LYST: variants seen among roughly 807,000 people sequenced by gnomAD.
LYST encodes lysosomal trafficking regulator.
In LYST, 192 loss-of-function variants were observed where a neutral mutation model predicts 413.6. The ratio of observed to expected loss-of-function variants is 0.46; its 90% CI spans 0.41 to 0.52. The LOEUF (loss-of-function observed/expected upper bound fraction) is 0.52, where lower values mean the gene tolerates loss of function less well. Ranked by LOEUF, LYST falls within the 20% of genes least tolerant of loss-of-function variation. The pLI is 0.00. For missense variants in LYST, 3,815 were observed against 4,499.9 expected (o/e 0.85, Z 4.35); for synonymous variants, 1,525 against 1,567.3 (o/e 0.97, Z 0.64).
intron 1 of LYST, among the ~76,000 whole-genome samples, chr1:235,851,604 T>G (rs1678552863): frequency 1.3e-5 from 2 of 151,920 alleles, no homozygotes; most frequent in African/African-American, 4.8e-5. Context: ...AAAGAATGAT[T>G]CCTAACTAAA....
chr1:235,764,000 T>C (rs1333044829), intron 21 of LYST, among the ~76,000 whole-genome samples: 1 of 152,206 alleles, frequency 6.6e-6, no homozygotes, highest in Non-Finnish European at 1.5e-5. Flanking sequence ...CCAAGCTTCT[T>C]GTCCACAAGA....
chr1:235,699,692 C>T (rs1558129389), intron 45 of LYST, among the ~76,000 whole-genome samples: 1 of 152,218 alleles, frequency 6.6e-6, no homozygotes, highest in African/African-American at 2.4e-5. Context: ...TACATTCCCA[C>T]TAACGGTGTA....
At chr1:235,815,201 C>A (rs1212526230) in intron 3 of LYST, among the ~76,000 whole-genome samples, 3 of 152,180 alleles carry the variant, frequency 2.0e-5, no homozygotes, top group African/African-American at 7.2e-5. Context: ...TTCTTGATCC[C>A]CCTACTAAAC....
intron 31 of LYST, chr1:235,737,990 A>C: frequency 6.9e-7 from 1 of 1,441,506 alleles, no homozygotes; most frequent in Non-Finnish European, 9.2e-7. Context: ...TCCAAGTCCA[A>C]TATACTCTCA....
chr1:235,868,430 T>C (rs976163834), upstream of LYST, among the ~76,000 whole-genome samples: 1 of 152,204 alleles, frequency 6.6e-6, no homozygotes, highest in Non-Finnish European at 1.5e-5. Context: ...TCTACTCTTA[T>C]TTATACATCA....
At chr1:235,767,369 T>C (rs1247205980) in intron 20 of LYST, among the ~76,000 whole-genome samples, 1 of 152,154 alleles carries the variant, frequency 6.6e-6, no homozygotes, top group African/African-American at 2.4e-5. Context: ...AAGGGAACAC[T>C]GAGTCTACAG....
At position 235,662,496 on chromosome 1, in the gene LYST, G is replaced by C. The variant is rs1489335648; in HGVS notation, c.*444C>G. On this transcript the variant is annotated 3_prime_UTR_variant, in exon 53 of 53. Transcript: ENST00000389793. Reference sequence around the variant, plus strand: ...TTTTTTCTTTCCTCTTTTGGAGCATGTGTGTGTGGTGGGAGGAGTATTTCA... The same window carrying C: ...TTTTTTCTTTCCTCTTTTGGAGCATCTGTGTGTGGTGGGAGGAGTATTTCA... The C allele has an allele frequency of 2.5e-5, 5 of 197,042 alleles. No individual in the cohort carries two copies. The highest frequency in any genetic ancestry group is 2.7e-4 in the East Asian group (2 of 7,466). 12.2% of individuals were successfully genotyped at this position (197,042 alleles called of 1,614,324 possible).
chr1:235,802,752 T>C (rs1672384948), intron 8 of LYST, among the ~76,000 whole-genome samples, 156 bp downstream of exon 8: 1 of 152,222 alleles, frequency 6.6e-6, no homozygotes, highest in Admixed American at 6.5e-5. Context: ...CATATATGAA[T>C]GCCAGACTGT....
rs771676168 is a variant in LYST at position 235,803,056 on chromosome 1, T to C, written c.3564A>G (p.Gln1188=). The change falls in exon 8 of 53, where the codon CAA becomes CAG. Residue 1188 remains glutamine, a synonymous_variant. Transcript: ENST00000389793. Reference sequence around the variant, plus strand: ...GCTGGGATGACAATTCTTCTGCAGATTGATGACTCTATAAATCAGTGTAAT... The same window carrying C: ...GCTGGGATGACAATTCTTCTGCAGACTGATGACTCTATAAATCAGTGTAAT... ...HNDAMTEKSH[Q]SAEELSSQPG... 3.0e-5 allele frequency: 48 copies of C among 1,612,164 alleles called. No homozygotes were observed. Among genetic ancestry groups the C allele is most frequent in the East Asian group, 4.5e-5 (2 of 44,788 alleles).
intron 1 of LYST, among the ~76,000 whole-genome samples, chr1:235,880,778 T>C (rs545231541): frequency 5.3e-5 from 8 of 152,312 alleles, no homozygotes; most frequent in Non-Finnish European, 7.3e-5. Context: ...TCTTCAAAGA[T>C]TTTTCTTACG....
chr1:235,679,852 C>G lies in LYST; in HGVS notation c.10801-2233G>C, dbSNP rs140665042. Among the ~76,000 whole-genome samples, 610 of 152,290 alleles carry G rather than the reference C, an allele frequency of 4.0e-3. 2 individuals carry two copies. The highest frequency in any genetic ancestry group is 0.014 in the African/African-American group (575 of 41,572). On this transcript the variant is annotated intron_variant, in intron 48 of 52. Transcript: ENST00000389793. Reference sequence around the variant, plus strand: ...TGGGTGCCGTTTTCCATTTCTTCCACAGAGGCTGTCCAAGGACAGTGTCAG... The same window carrying G: ...TGGGTGCCGTTTTCCATTTCTTCCAGAGAGGCTGTCCAAGGACAGTGTCAG...
Position 235,765,944 on chromosome 1 carries a change from T to G in LYST, c.6121+135A>C, listed in dbSNP as rs1444564382. The G allele has an allele frequency of 3.9e-6, 3 of 767,730 alleles. No individual in the cohort carries two copies. In the African/African-American group the frequency reaches 5.1e-5, roughly 13 times the overall value. The allele number at this position is 767,730 out of a possible 1,614,324, so 47.6% of individuals were successfully genotyped here. On this transcript the variant is annotated intron_variant, in intron 21 of 52. Transcript: ENST00000389793. Reference sequence around the variant, plus strand: ...CCATGTCTAGTTCATTCTATAACTCTCTGCCCTATCCCAACCCCAATATGT... The same window carrying G: ...CCATGTCTAGTTCATTCTATAACTCGCTGCCCTATCCCAACCCCAATATGT...
intron 38 of LYST, among the ~76,000 whole-genome samples, chr1:235,727,264 A>T (rs1663969507): frequency 6.6e-6 from 1 of 151,460 alleles, no homozygotes; most frequent in Non-Finnish European, 1.5e-5. Flanking sequence ...CTGGGATTAT[A>T]GGCGCCACCA....
chr1:235,784,470 T>C (rs937220655), intron 14 of LYST, among the ~76,000 whole-genome samples: 1 of 152,218 alleles, frequency 6.6e-6, no homozygotes, highest in Non-Finnish European at 1.5e-5. Context: ...ACCTGTCAGC[T>C]GACATAATTC....
At chr1:235,867,216 A>G (rs988722620), upstream of LYST, among the ~76,000 whole-genome samples, 1 of 152,196 alleles carries the variant, frequency 6.6e-6, no homozygotes, top group African/African-American at 2.4e-5. Context: ...ACCTCCTCCC[A>G]GGGCTCTGCG....
chr1:235,862,651 C>T (rs1425443602), intron 1 of LYST, among the ~76,000 whole-genome samples: 1 of 152,010 alleles, frequency 6.6e-6, no homozygotes, highest in Non-Finnish European at 1.5e-5. Context: ...CAAAAATTAG[C>T]CGGGCATGGT....
intron 20 of LYST, among the ~76,000 whole-genome samples, chr1:235,766,740 A>T: frequency 6.6e-6 from 1 of 152,148 alleles, no homozygotes; most frequent in African/African-American, 2.4e-5. Context: ...CCTTGCATAT[A>T]GGTAAGCCCC....
rs548589202 is a variant in LYST, at chr1:235,830,410, G to T, written c.8C>A (p.Thr3Asn). 3.7e-6 allele frequency: 6 copies of T among 1,611,700 alleles called. No homozygotes were observed. The highest frequency in any genetic ancestry group is 5.1e-6 in the Non-Finnish European group (6 of 1,178,592). MS[T>N]DSNSLAREFL... ...TTCACGTGCCAGTGAGTTACTGTCG[G>T]TGCTCATGACCGAGCTATAAAATAA... Residue 3 changes from threonine (T) to asparagine (N), a missense_variant, in exon 3 of 53, where the codon ACC becomes AAC. Physicochemically the swap from Thr to Asn is moderately conservative, Grantham distance 65. Coordinates refer to ENST00000389793, the MANE Select transcript of LYST (RefSeq NM_000081.4).
chr1:235,718,864 A>T (rs1267047965), intron 40 of LYST, among the ~76,000 whole-genome samples: 2 of 152,128 alleles, frequency 1.3e-5, no homozygotes, highest in Non-Finnish European at 2.9e-5. Context: ...ATTTTGTTTC[A>T]CTGTGTTTCC....
Sources: allele counts gnomAD v4.1 joint callset (sites outside exome capture counted in the v4.1 genomes callset), GRCh38; gene constraint gnomAD v4.1.1; transcripts MANE v1.5; gene names NCBI Gene and HGNC (gene_info 2026-07-23, HGNC 2026-07-21).